ASPRV1: variants seen among roughly 807,000 people sequenced by gnomAD.
ASPRV1 encodes the protein aspartic peptidase retroviral like 1, also known as retroviral-like aspartic protease 1.
ASPRV1 carries 7 observed loss-of-function variants against 11.0 expected under a neutral mutation model. The observed-to-expected ratio is 0.64, with a 90% CI of 0.36 to 1.20. The LOEUF is 1.20. ASPRV1 is among the 50% of genes most tolerant of loss of function. ASPRV1 has a pLI of 0.02. For missense variants in ASPRV1, 299 were observed against 320.0 expected, an observed-to-expected ratio of 0.93 and a Z score of 0.50; for synonymous variants, 136 against 138.4, an observed-to-expected ratio of 0.98 and a Z score of 0.12.
chr2:69,959,537 G>C (rs1257914088), downstream of ASPRV1, among the ~76,000 whole-genome samples: 2 of 151,896 alleles, frequency 1.3e-5, no homozygotes, highest in Non-Finnish European at 2.9e-5. Context: ...CCCTCCATCA[G>C]GTCATCTAGT....
chr2:69,975,658 G>A, the ASPRV1 span: 4 of 152,386 alleles, frequency 2.6e-5, no homozygotes, highest in Non-Finnish European at 5.9e-5. Context: ...AAGGAAAGGA[G>A]CGTGAAGGAG....
At chr2:70,021,833 G>A in the ASPRV1 span, among the ~76,000 whole-genome samples, 5 of 151,420 alleles carry the variant, frequency 3.3e-5, no homozygotes, top group African/African-American at 1.2e-4. Context: ...CTCCTGAGTA[G>A]CTGGGACTAC....
chr2:70,081,707 G>C, the ASPRV1 span, among the ~76,000 whole-genome samples: 39 of 151,562 alleles, frequency 2.6e-4, no homozygotes, highest in Non-Finnish European at 4.4e-4. Flanking sequence ...TCTCAGCCTT[G>C]CAAGTAGCTG....
At chr2:69,995,536 T>C in the ASPRV1 span, among the ~76,000 whole-genome samples, 18 of 152,254 alleles carry the variant, frequency 1.2e-4, no homozygotes, top group South Asian at 3.7e-3. Flanking sequence ...CATCCTGCAG[T>C]TGATCTTCCT....
chr2:70,016,131 G>A, the ASPRV1 span: 1 of 152,162 alleles, frequency 6.6e-6, no homozygotes, highest in Non-Finnish European at 1.5e-5. Flanking sequence ...AAGTGCACAT[G>A]GAACATTCTT....
the ASPRV1 span, chr2:70,087,375 TAAAA>T: frequency 6.6e-6 from 1 of 152,438 alleles, no homozygotes; most frequent in Non-Finnish European, 1.5e-5. Flanking sequence ...TCTTGTGACC[TAAAA>T]AAGACGGGTC....
At chr2:69,986,980 C>T in the ASPRV1 span, among the ~76,000 whole-genome samples, 6 of 152,158 alleles carry the variant, frequency 3.9e-5, no homozygotes, top group African/African-American at 1.2e-4. Context: ...AGAGAGGGGG[C>T]TTAGAACTGT....
the ASPRV1 span, among the ~76,000 whole-genome samples, chr2:70,020,168 A>G: frequency 6.6e-6 from 1 of 152,208 alleles, no homozygotes; most frequent in Non-Finnish European, 1.5e-5. Flanking sequence ...TAGCTGCTGG[A>G]GAAAACAACA....
chr2:69,945,426 G>C, the ASPRV1 span, among the ~76,000 whole-genome samples: 2 of 152,232 alleles, frequency 1.3e-5, no homozygotes, highest in African/African-American at 4.8e-5. Flanking sequence ...ACTGGGTGGC[G>C]AGGCAGCTCC....
At chr2:69,950,195 C>A in the ASPRV1 span, among the ~76,000 whole-genome samples, 1 of 152,208 alleles carries the variant, frequency 6.6e-6, no homozygotes, top group Non-Finnish European at 1.5e-5. Context: ...CAAAAAAACA[C>A]AACTGGTGAA....
the ASPRV1 span, chr2:70,056,148 T>C: frequency 6.6e-6 from 1 of 152,080 alleles, no homozygotes; most frequent in South Asian, 2.1e-4. Flanking sequence ...TCCAAATTCA[T>C]AGAAACAGAA....
the ASPRV1 span, among the ~76,000 whole-genome samples, chr2:70,008,831 T>C: frequency 2.6e-5 from 4 of 151,792 alleles, no homozygotes; most frequent in Non-Finnish European, 4.4e-5. Context: ...GCTAAAAGGG[T>C]TGGGGTCCTT....
chr2:70,053,268 T>A, the ASPRV1 span, among the ~76,000 whole-genome samples: 1 of 152,180 alleles, frequency 6.6e-6, no homozygotes, highest in African/African-American at 2.4e-5. Context: ...AAGAGCAGAC[T>A]ACACTTCTTG....
the ASPRV1 span, among the ~76,000 whole-genome samples, chr2:70,012,612 C>T: frequency 1.3e-5 from 2 of 152,086 alleles, no homozygotes; most frequent in South Asian, 2.1e-4. Context: ...ACAGTCTTCA[C>T]CCCCATGTAC....
the ASPRV1 span, among the ~76,000 whole-genome samples, chr2:70,029,270 T>C: frequency 6.6e-6 from 1 of 152,130 alleles, no homozygotes; most frequent in Admixed American, 6.6e-5. Flanking sequence ...TAAAGACATA[T>C]AAGTGACGCC....
the ASPRV1 span, chr2:69,975,885 C>CA: frequency 6.6e-6 from 1 of 152,458 alleles, no homozygotes; most frequent in Non-Finnish European, 1.5e-5. Flanking sequence ...AGGCCACAGG[C>CA]ATATGTAGTC....
chr2:70,086,661 C>T, the ASPRV1 span, among the ~76,000 whole-genome samples: 1 of 152,240 alleles, frequency 6.6e-6, no homozygotes, highest in Non-Finnish European at 1.5e-5. Context: ...CAGGCGTACA[C>T]TATTGTTTCT....
At chr2:69,976,479 T>C in the ASPRV1 span, 3 of 152,230 alleles carry the variant, frequency 2.0e-5, no homozygotes, top group Non-Finnish European at 2.9e-5. Flanking sequence ...GGTTCTTGGA[T>C]AGCAGAGAAC....
At chr2:70,053,733 G>A in the ASPRV1 span, 1 of 146,294 alleles carries the variant, frequency 6.8e-6, no homozygotes, top group African/African-American at 2.7e-5. Context: ...TCTCTTACCT[G>A]TGCTTTCAGC....
Sources: allele counts gnomAD v4.1 joint callset (sites outside exome capture counted in the v4.1 genomes callset), GRCh38; gene constraint gnomAD v4.1.1; transcripts MANE v1.5; gene names NCBI Gene and HGNC (gene_info 2026-07-23, HGNC 2026-07-21).